MPPED2: variants seen among roughly 807,000 people sequenced by gnomAD.
The protein encoded by MPPED2 is metallophosphoesterase MPPED2.
MPPED2 carries 5 observed loss-of-function variants against 33.0 expected under a neutral mutation model. The ratio of observed to expected loss-of-function variants is 0.15; its 90% confidence interval spans 0.08 to 0.32. The LOEUF is 0.32. MPPED2 is among the 10% of genes least tolerant of loss of function. The pLI is 1.00. For missense variants in MPPED2, 275 were observed against 372.1 expected (o/e 0.74, Z 2.15); for synonymous variants, 136 against 141.9 (o/e 0.96, Z 0.29).
At chr11:30,584,908 C>G (rs1454622030) in intron 1 of MPPED2, 2 of 152,276 alleles carry the variant, frequency 1.3e-5, no homozygotes, top group Non-Finnish European at 2.9e-5. Context: ...CCCACCCCCC[C>G]GACCTGTTTG....
At chr11:30,514,947 T>G (rs1197844536) in intron 3 of MPPED2, among the ~76,000 whole-genome samples, 2 of 152,056 alleles carry the variant, frequency 1.3e-5, no homozygotes, top group Non-Finnish European at 2.9e-5. Context: ...CTGCAAAAAT[T>G]AGCTAGGCAT....
At position 30,414,289 on chromosome 11, in the gene MPPED2, C is replaced by G; in HGVS notation, c.705G>C (p.Leu235=). 1 of 1,614,054 alleles carries G rather than the reference C, an allele frequency of 6.2e-7. No individual in the cohort carries two copies. The highest frequency in any genetic ancestry group is 8.5e-7 in the Non-Finnish European group (1 of 1,179,932). The change falls in exon 6 of 7, where the codon CTG becomes CTC. Residue 235 remains leucine, a synonymous_variant. Transcript: ENST00000358117. ...KELQRVGCVE[L]LNTVQRRVRP... ...GGACTCGCCTCTGAACCGTGTTTAA[C>G]AGCTCCACACAGCCCACTCTTTGAA...
At chr11:30,392,791 T>C (rs1344247709) in intron 6 of MPPED2, among the ~76,000 whole-genome samples, 2 of 152,152 alleles carry the variant, frequency 1.3e-5, no homozygotes, top group African/African-American at 4.8e-5. Context: ...ACCTCCAAGA[T>C]AGACTCAAGG....
At position 30,465,436 on chromosome 11, in the gene MPPED2, C is replaced by T. The variant is rs111595843; in HGVS notation, c.536+29860G>A. On this transcript the variant is annotated intron_variant, in intron 4 of 6. Transcript: ENST00000358117. ...CTGAATAGCTGGGATTACAGGCCCACGGCATCATGCCTGGCTAAATTTTGC... is the reference window on the plus strand; with the variant it reads ...CTGAATAGCTGGGATTACAGGCCCATGGCATCATGCCTGGCTAAATTTTGC... Among the ~76,000 whole-genome samples the T allele has an allele frequency of 1.7e-3, 265 of 152,256 alleles. 3 individuals are homozygous for T. The highest frequency in any genetic ancestry group is 5.8e-3 in the African/African-American group (243 of 41,552).
chr11:30,545,566 T>C (rs1204053250), intron 2 of MPPED2, among the ~76,000 whole-genome samples: 1 of 152,084 alleles, frequency 6.6e-6, no homozygotes, highest in African/African-American at 2.4e-5. Flanking sequence ...TGATGAGAAA[T>C]GGCAGCAGTT....
intron 2 of MPPED2, among the ~76,000 whole-genome samples, chr11:30,567,178 C>T (rs937233642): frequency 6.6e-6 from 1 of 152,184 alleles, no homozygotes; most frequent in African/African-American, 2.4e-5. Context: ...GGACAGATCA[C>T]CAAAGTTGGC....
intron 3 of MPPED2, among the ~76,000 whole-genome samples, chr11:30,499,986 G>C (rs1475241634): frequency 6.6e-6 from 1 of 152,174 alleles, no homozygotes; most frequent in African/African-American, 2.4e-5. Context: ...AGTCTGCCAA[G>C]AGATCTCCCC....
intron 1 of MPPED2, 37 bp from the exon 2 acceptor site, chr11:30,580,531 A>T: frequency 7.1e-7 from 1 of 1,411,386 alleles, no homozygotes; most frequent in Non-Finnish European, 9.2e-7. Context: ...AATGAGAACA[A>T]AGAGAAAAAG....
intron 2 of MPPED2, among the ~76,000 whole-genome samples, chr11:30,536,391 C>G (rs1954811225): frequency 6.6e-6 from 1 of 152,054 alleles, no homozygotes; most frequent in African/African-American, 2.4e-5. Context: ...ACTTACTTAC[C>G]TGGTAGGAAA....
intron 4 of MPPED2, among the ~76,000 whole-genome samples, chr11:30,456,190 G>A (rs1950271204): frequency 6.6e-6 from 1 of 152,194 alleles, no homozygotes; most frequent in African/African-American, 2.4e-5. Context: ...GAAGAATCTG[G>A]GAAAATTCAA....
At chr11:30,428,588 A>T (rs1174819603) in intron 4 of MPPED2, among the ~76,000 whole-genome samples, 1 of 152,246 alleles carries the variant, frequency 6.6e-6, no homozygotes, top group Non-Finnish European at 1.5e-5. Flanking sequence ...AGTTGGCATG[A>T]ACCAGAACTT....
intron 2 of MPPED2, among the ~76,000 whole-genome samples, chr11:30,549,502 A>G (rs1176122080): frequency 1.3e-5 from 2 of 152,206 alleles, no homozygotes; most frequent in East Asian, 3.8e-4. Context: ...CCCACTATCT[A>G]TACATATGAG....
At chr11:30,502,760 G>A (rs906592142) in intron 3 of MPPED2, among the ~76,000 whole-genome samples, 3 of 152,092 alleles carry the variant, frequency 2.0e-5, no homozygotes, top group African/African-American at 7.2e-5. Flanking sequence ...GGGACTGGGG[G>A]CACATGTGCA....
At chr11:30,526,403 A>G (rs1025840566) in intron 3 of MPPED2, among the ~76,000 whole-genome samples, 2 of 152,220 alleles carry the variant, frequency 1.3e-5, no homozygotes, top group East Asian at 1.9e-4. Flanking sequence ...TCAATAAATC[A>G]TAACTCTAGG....
chr11:30,569,422 C>A (rs1421581963), intron 2 of MPPED2, among the ~76,000 whole-genome samples: 1 of 152,126 alleles, frequency 6.6e-6, no homozygotes, highest in Non-Finnish European at 1.5e-5. Flanking sequence ...CACCTCCTAG[C>A]CTGTTTGTTC....
Position 30,580,343 on chromosome 11 carries a change from C to T in MPPED2, c.31G>A (p.Val11Ile). The change falls in exon 2 of 7, where the codon GTT becomes ATT. Residue 11 changes from valine to isoleucine, a missense_variant. Transcript: ENST00000358117. MAHGIPSQGK[V>I]TITVDEYSSN... ...CTGTACTCATCCACCGTTATGGTAA[C>T]TTTGCCTTGAGAAGGAATCCCATGT... 6.2e-7 allele frequency: 1 copy of T among 1,614,128 alleles called. No individual in the cohort carries two copies. The highest frequency in any genetic ancestry group is 1.1e-5 in the South Asian group (1 of 91,066).
intron 6 of MPPED2, among the ~76,000 whole-genome samples, chr11:30,395,835 C>T (rs1947833598): frequency 1.3e-5 from 2 of 152,130 alleles, no homozygotes; most frequent in East Asian, 1.9e-4. Context: ...TTTTCAGAAA[C>T]GTTGTACACA....
At chr11:30,464,756 A>C (rs972929019) in intron 4 of MPPED2, among the ~76,000 whole-genome samples, 8 of 152,198 alleles carry the variant, frequency 5.3e-5, no homozygotes, top group African/African-American at 2.4e-5. Context: ...TAATTTTATA[A>C]AATTATAATT....
chr11:30,407,899 A>G (rs1014802564), downstream of MPPED2, among the ~76,000 whole-genome samples: 18 of 151,998 alleles, frequency 1.2e-4, no homozygotes, highest in African/African-American at 3.4e-4. Flanking sequence ...AAATAAATAA[A>G]TAAGTAAATA....
Sources: allele counts gnomAD v4.1 joint callset (sites outside exome capture counted in the v4.1 genomes callset), GRCh38; gene constraint gnomAD v4.1.1; transcripts MANE v1.5; gene names NCBI Gene and HGNC (gene_info 2026-07-23, HGNC 2026-07-21).